The following PDZD2 variants were observed in gnomAD, a reference collection of about 807,000 sequenced individuals.
PDZD2 encodes PDZ domain containing 2.
PDZD2 carries 90 observed loss-of-function variants against 220.7 expected under a neutral mutation model. The ratio of observed to expected loss-of-function variants is 0.41; its 90% CI spans 0.34 to 0.49. The LOEUF (loss-of-function observed/expected upper bound fraction) is 0.49, where lower values mean the gene tolerates loss of function less well. Ranked by LOEUF, PDZD2 falls within the 20% of genes least tolerant of loss-of-function variation. PDZD2 has a pLI of 0.28. For synonymous variants in PDZD2, 1,375 were observed against 1,450.5 expected (o/e 0.95, Z 1.18); for missense variants, 3,174 against 3,608.5 (o/e 0.88, Z 3.08).
intron 1 of PDZD2, among the ~76,000 whole-genome samples, chr5:31,650,494 G>C (rs1469365351): frequency 6.6e-6 from 1 of 152,060 alleles, no homozygotes; most frequent in African/African-American, 2.4e-5. Flanking sequence ...ATAAACCCAG[G>C]ACACAGATTG....
chr5:32,080,815 A>C (rs1305541392), intron 19 of PDZD2, among the ~76,000 whole-genome samples: 1 of 152,196 alleles, frequency 6.6e-6, no homozygotes, highest in Non-Finnish European at 1.5e-5. Context: ...AAACTAACAC[A>C]GAAACAGAAA....
Position 32,058,040 on chromosome 5 carries a change from T to A in PDZD2, c.2137T>A (p.Ser713Thr), listed in dbSNP as rs772285923. 5.0e-6 allele frequency: 8 copies of A among 1,613,310 alleles called. No individual in the cohort carries two copies. The highest frequency in any genetic ancestry group is 1.3e-5 in the African/African-American group (1 of 74,996). Reference protein sequence around the residue: ...AGGSDEGSSSSLGRKTPGPKD... With the variant: ...AGGSDEGSSSTLGRKTPGPKD... ...AGGTTCCGATGAAGGCAGTTCTTCA[T>A]CCCTGGGTCGGAAGACCCCTGGGCC... is the stretch of plus-strand genomic sequence containing the variant. Residue 713 changes from serine (S) to threonine (T), a missense_variant, in exon 12 of 25, where the codon TCC becomes ACC. Coordinates refer to ENST00000438447, the MANE Select transcript of PDZD2 (RefSeq NM_178140.4).
chr5:31,729,035 A>G (rs925911859), intron 1 of PDZD2, among the ~76,000 whole-genome samples: 3 of 149,206 alleles, frequency 2.0e-5, no homozygotes, highest in Admixed American at 1.3e-4. Flanking sequence ...TGCATCTTCT[A>G]TGGTCTATTA....
intron 2 of PDZD2, among the ~76,000 whole-genome samples, chr5:31,864,209 T>G (rs896535975): frequency 6.6e-6 from 1 of 152,166 alleles, no homozygotes; most frequent in African/African-American, 2.4e-5. Context: ...TGAGGCACTT[T>G]CCTAGCTCCA....
At chr5:31,645,411 A>G (rs1423007916) in intron 1 of PDZD2, among the ~76,000 whole-genome samples, 1 of 144,294 alleles carries the variant, frequency 6.9e-6, no homozygotes, top group East Asian at 2.0e-4. Context: ...ATCTTGGCTC[A>G]CTGCAACCTC....
chr5:32,014,706 C>CTTTTTTTTTTTTT lies in PDZD2; in HGVS notation c.1407+4240_1407+4252dup, dbSNP rs556276502. ...ATTTTCTGCTCTGCAATGACAATTT[C>CTTTTTTTTTTTTT]TTTTTTTTTTTTTTTTTTTTTTTTT... On this transcript the variant is annotated intron_variant, in intron 6 of 24. Transcript: ENST00000438447. Among the ~76,000 whole-genome samples, 399 of 95,404 alleles carry CTTTTTTTTTTTTT rather than the reference C, an allele frequency of 4.2e-3. 84 individuals carry two copies. The highest frequency in any genetic ancestry group is 0.017 in the African/African-American group (385 of 22,882). 62.6% of individuals were successfully genotyped at this position (95,404 alleles called of 152,430 possible).
chr5:31,785,992 A>T (rs1238978295), intron 1 of PDZD2, among the ~76,000 whole-genome samples: 1 of 151,790 alleles, frequency 6.6e-6, no homozygotes, highest in African/African-American at 2.4e-5. Context: ...ATATTCGCCT[A>T]CCTCCTCCGA....
intron 2 of PDZD2, among the ~76,000 whole-genome samples, chr5:31,830,127 T>C (rs1165833440): frequency 6.6e-6 from 1 of 151,920 alleles, no homozygotes; most frequent in East Asian, 1.9e-4. Flanking sequence ...TTGTTCACAT[T>C]TTCCCTCCAA....
chr5:31,686,966 C>T (rs1222585890), intron 1 of PDZD2, among the ~76,000 whole-genome samples: 1 of 152,108 alleles, frequency 6.6e-6, no homozygotes, highest in Non-Finnish European at 1.5e-5. Context: ...ACCTGCCATG[C>T]GTGCAGGGCT....
At chr5:32,102,124 T>C (rs1281579414) in intron 24 of PDZD2, among the ~76,000 whole-genome samples, 2 of 152,024 alleles carry the variant, frequency 1.3e-5, no homozygotes, top group Non-Finnish European at 2.9e-5. Flanking sequence ...AAAAATACTT[T>C]TAAAAATGTA....
chr5:31,849,880 A>AC (rs1288558824), intron 2 of PDZD2, among the ~76,000 whole-genome samples: 1 of 43,550 alleles, frequency 2.3e-5, no homozygotes, highest in Non-Finnish European at 3.6e-5. Context: ...ACATATATAT[A>AC]TATATATACA....
At chr5:31,899,944 A>G (rs999764875) in intron 2 of PDZD2, among the ~76,000 whole-genome samples, 3 of 152,240 alleles carry the variant, frequency 2.0e-5, no homozygotes, top group Admixed American at 2.0e-4. Context: ...TGTTATTTAT[A>G]AGCCACCTAG....
chr5:31,688,545 T>C (rs1746964723), intron 1 of PDZD2, among the ~76,000 whole-genome samples: 1 of 152,116 alleles, frequency 6.6e-6, no homozygotes, highest in Non-Finnish European at 1.5e-5. Flanking sequence ...TCCAACCCAT[T>C]GTCCTACGAG....
intron 2 of PDZD2, among the ~76,000 whole-genome samples, chr5:31,825,053 A>T (rs1756130585): frequency 6.6e-6 from 1 of 152,036 alleles, no homozygotes. Context: ...CTCCCTACAC[A>T]CGCCCACGCA....
intron 1 of PDZD2, among the ~76,000 whole-genome samples, chr5:31,705,332 G>T (rs1230509978): frequency 6.6e-6 from 1 of 152,160 alleles, no homozygotes; most frequent in Non-Finnish European, 1.5e-5. Flanking sequence ...CGATAACAGG[G>T]TGTCAACATG....
chr5:31,727,759 TC>T (rs1193505645), intron 1 of PDZD2, among the ~76,000 whole-genome samples: 3 of 150,906 alleles, frequency 2.0e-5, no homozygotes, highest in Non-Finnish European at 4.4e-5. Context: ...ACCCAACACT[TC>T]CGGAGGCCGA....
At chr5:31,857,867 C>A (rs553249920) in intron 2 of PDZD2, among the ~76,000 whole-genome samples, 1 of 152,192 alleles carries the variant, frequency 6.6e-6, no homozygotes, top group Admixed American at 6.6e-5. Context: ...CTCGTTGTCA[C>A]CCAGGCTGGA....
chr5:31,880,435 A>G (rs17508489), intron 2 of PDZD2, among the ~76,000 whole-genome samples: 5,128 of 152,290 alleles, frequency 0.034, 141 homozygotes, highest in Non-Finnish European at 0.044. Context: ...CGCTGCTTCA[A>G]TAGTCCTCTG....
At chr5:31,644,875 A>G (rs781157143) in intron 1 of PDZD2, among the ~76,000 whole-genome samples, 1 of 152,226 alleles carries the variant, frequency 6.6e-6, no homozygotes, top group Non-Finnish European at 1.5e-5. Context: ...ATGTTTTTAT[A>G]TACAGTGTTT....
Sources: gnomAD v4.1 joint callset for allele counts (sites outside exome capture counted in the v4.1 genomes callset) on GRCh38, gnomAD v4.1.1 for gene constraint, MANE v1.5 for transcripts, NCBI Gene and HGNC (gene_info 2026-07-23, HGNC 2026-07-21) for gene names.